Variants in NECAB1 observed in about 807,000 individuals in gnomAD.
NECAB1 encodes the protein N-terminal EF-hand calcium binding protein 1, also known as N-terminal EF-hand calcium-binding protein 1.
NECAB1 carries 29 observed loss-of-function variants against 57.5 expected under a neutral mutation model. The observed-to-expected ratio is 0.50, with a 90% CI of 0.38 to 0.69. NECAB1 has a LOEUF of 0.69. NECAB1 is among the 30% of genes least tolerant of loss of function. The pLI, the probability that NECAB1 is intolerant of heterozygous loss-of-function variation, is 0.00. For missense variants in NECAB1, 372 were observed against 413.8 expected (o/e 0.90, Z 0.88); for synonymous variants, 142 against 147.7 (o/e 0.96, Z 0.28).
intron 2 of NECAB1, among the ~76,000 whole-genome samples, chr8:90,817,370 A>T (rs1812076179): frequency 6.6e-6 from 1 of 151,730 alleles, no homozygotes; most frequent in Non-Finnish European, 1.5e-5. Flanking sequence ...GGATTGGTGA[A>T]AAAGGATACT....
chr8:90,949,559 C>A (rs1297578201), intron 10 of NECAB1, among the ~76,000 whole-genome samples: 3 of 152,162 alleles, frequency 2.0e-5, no homozygotes, highest in Non-Finnish European at 4.4e-5. Flanking sequence ...TATACTGAGA[C>A]TGTTTTCATG....
intron 1 of NECAB1, among the ~76,000 whole-genome samples, chr8:90,798,864 A>T (rs1050122145): frequency 6.6e-6 from 1 of 152,220 alleles, no homozygotes; most frequent in African/African-American, 2.4e-5. Context: ...AAGTTCTCTG[A>T]GAAATCTCCA....
intron 3 of NECAB1, among the ~76,000 whole-genome samples, chr8:90,845,013 G>T (rs1191060008): frequency 6.6e-6 from 1 of 152,172 alleles, no homozygotes; most frequent in Non-Finnish European, 1.5e-5. Flanking sequence ...AGGAAGAACT[G>T]ATGTTCCGGT....
chr8:90,862,154 A>G (rs1808403013), intron 3 of NECAB1, among the ~76,000 whole-genome samples: 1 of 152,204 alleles, frequency 6.6e-6, no homozygotes, highest in African/African-American at 2.4e-5. Flanking sequence ...ATATGGATAA[A>G]GACAGATGTC....
chr8:90,899,223 G>C (rs1809438047), intron 5 of NECAB1, among the ~76,000 whole-genome samples: 1 of 152,174 alleles, frequency 6.6e-6, no homozygotes, highest in East Asian at 1.9e-4. Context: ...GAACACTGCT[G>C]ATCCCCAAGG....
At chr8:90,931,310 C>T (rs946879554) in intron 8 of NECAB1, among the ~76,000 whole-genome samples, 1 of 152,166 alleles carries the variant, frequency 6.6e-6, no homozygotes, top group African/African-American at 2.4e-5. Context: ...TGGCTGAGTA[C>T]GTCATTTCAC....
In NECAB1 at chr8:90,917,951, T is replaced by TAC. The variant is rs745796405; in HGVS notation, c.494+333_494+334dup. The stretch of plus-strand genomic sequence containing the variant: ...ATATATGTGTATGTGTGTATATATA[T>TAC]ACACACACACATATGTGTGTGTGTG... On this transcript the variant is annotated intron_variant, in intron 6 of 12. Coordinates refer to ENST00000417640, the MANE Select transcript of NECAB1 (RefSeq NM_022351.5). Among the ~76,000 whole-genome samples, 38 of 40,722 alleles carry TAC rather than the reference T, an allele frequency of 9.3e-4. No homozygotes were observed. In the East Asian group the frequency reaches 0.019, roughly 20 times the overall value. 26.7% of individuals were successfully genotyped at this position (40,722 alleles called of 152,430 possible). A position where few individuals can be genotyped will look rare whatever the true frequency, so the allele number is the denominator to read the frequency against.
intron 3 of NECAB1, among the ~76,000 whole-genome samples, chr8:90,847,349 C>A (rs1304967045): frequency 1.3e-5 from 2 of 152,250 alleles, no homozygotes; most frequent in African/African-American, 4.8e-5. Flanking sequence ...TGGTCTTGGG[C>A]AGCTCTGCCC....
chr8:90,922,486 ATTTTTTTTTT>A lies in NECAB1; in HGVS notation c.495-3034_495-3025del, dbSNP rs577951495. On this transcript the variant is annotated intron_variant, in intron 6 of 12. Transcript: ENST00000417640. ...ACCACCAAAGCTGCCAAAAACTTGG[ATTTTTTTTTT>A]TTTTTTTTTTTTTTGAGATGGAGTC... 3.7e-4 allele frequency among the ~76,000 whole-genome samples: 21 copies of A among 57,520 alleles called. 1 individual carries two copies. Among genetic ancestry groups the A allele is most frequent in the African/African-American group, 1.0e-3 (17 of 16,878 alleles). The allele number at this position is 57,520 out of a possible 152,430, so 37.7% of individuals were successfully genotyped here. A position where few individuals can be genotyped will look rare whatever the true frequency, so the allele number is the denominator to read the frequency against.
chr8:90,930,148 A>C (rs1810371534), intron 8 of NECAB1, among the ~76,000 whole-genome samples: 1 of 152,232 alleles, frequency 6.6e-6, no homozygotes, highest in Non-Finnish European at 1.5e-5. Context: ...CCAGCTCAGA[A>C]AATGGCATTG....
intron 5 of NECAB1, among the ~76,000 whole-genome samples, chr8:90,883,864 C>T (rs1350273407): frequency 1.3e-5 from 2 of 152,144 alleles, no homozygotes; most frequent in Non-Finnish European, 2.9e-5. Context: ...CTTCTTTCTA[C>T]AGGGTAGAGG....
intron 5 of NECAB1, among the ~76,000 whole-genome samples, chr8:90,893,087 A>C (rs973568982): frequency 2.0e-5 from 3 of 152,122 alleles, no homozygotes; most frequent in African/African-American, 7.2e-5. Flanking sequence ...GGATGACATC[A>C]TTCTGCCCTC....
Position 90,958,687 on chromosome 8 carries a change from C to A in NECAB1, c.*3175C>A, listed in dbSNP as rs903736999. On this transcript the variant is annotated 3_prime_UTR_variant, in exon 13 of 13. Transcript: ENST00000417640. ...TGAGAGTCTTTACAGCTTACATTTC[C>A]ATTCCATTATTACAAGTGATGAAAA... 1.5e-5 allele frequency: 4 copies of A among 262,192 alleles called. No homozygotes were observed. Among genetic ancestry groups the A allele is most frequent in the Non-Finnish European group, 2.9e-5 (4 of 139,218 alleles). 16.2% of individuals were successfully genotyped at this position (262,192 alleles called of 1,614,324 possible).
At chr8:90,846,995 A>G (rs1812578199) in intron 3 of NECAB1, among the ~76,000 whole-genome samples, 1 of 152,192 alleles carries the variant, frequency 6.6e-6, no homozygotes, top group Non-Finnish European at 1.5e-5. Context: ...CCACATTTTA[A>G]AACACAATGG....
intron 5 of NECAB1, among the ~76,000 whole-genome samples, chr8:90,907,090 G>A (rs1184742229): frequency 6.7e-6 from 1 of 148,994 alleles, no homozygotes; most frequent in African/African-American, 2.5e-5. Flanking sequence ...ATGAAAATTT[G>A]AGGGTCTTTA....
Position 90,798,301 on chromosome 8 carries a change from A to T in NECAB1, c.100-3390A>T, listed in dbSNP as rs146408482. ...CCTATTTCTTTTCTTTTTATAACTT[A>T]AAGTTTTATTTTAGATTCAGGAGGA... is the stretch of plus-strand genomic sequence containing the variant. On this transcript the variant is annotated intron_variant, in intron 1 of 12. Transcript: ENST00000417640. 3.3e-5 allele frequency among the ~76,000 whole-genome samples: 5 copies of T among 152,286 alleles called. No homozygotes were observed. In the East Asian group the frequency reaches 9.7e-4, roughly 29 times the overall value.
intron 5 of NECAB1, among the ~76,000 whole-genome samples, chr8:90,898,488 C>A (rs1418162851): frequency 1.3e-5 from 2 of 152,202 alleles, no homozygotes; most frequent in African/African-American, 4.8e-5. Flanking sequence ...CTAGAACTGA[C>A]AGTCTCCAGA....
chr8:90,820,051 C>T (rs1383851847), intron 2 of NECAB1, among the ~76,000 whole-genome samples: 2 of 151,848 alleles, frequency 1.3e-5, no homozygotes, highest in African/African-American at 4.8e-5. Context: ...CCACAATCAG[C>T]CTCCAGCAAT....
chr8:90,911,756 C>A (rs1369003136), intron 5 of NECAB1, among the ~76,000 whole-genome samples: 2 of 152,120 alleles, frequency 1.3e-5, no homozygotes, highest in Non-Finnish European at 2.9e-5. Flanking sequence ...GAAGTATTAT[C>A]ACAGCAAACA....
Sources: gnomAD v4.1 joint callset for allele counts (sites outside exome capture counted in the v4.1 genomes callset) on GRCh38, gnomAD v4.1.1 for gene constraint, MANE v1.5 for transcripts, NCBI Gene and HGNC (gene_info 2026-07-23, HGNC 2026-07-21) for gene names.